Variants in NFIB observed in about 807,000 individuals in gnomAD.
The protein encoded by NFIB is nuclear factor I B.
A neutral mutation model predicts 61.5 loss-of-function variants in NFIB; 11 were observed. That is an observed-to-expected ratio of 0.18 (90% CI 0.11 to 0.30). NFIB has a LOEUF of 0.30. Ranked by LOEUF, NFIB falls within the 10% of genes least tolerant of loss-of-function variation. The probability of loss-of-function intolerance (pLI) is 1.00; values close to 1 mark genes in which losing one functional copy is unlikely to be tolerated. For synonymous variants in NFIB, 260 were observed against 216.5 expected (o/e 1.20, Z -1.76); for missense variants, 471 against 608.9 (o/e 0.77, Z 2.38).
the NFIB span, among the ~76,000 whole-genome samples, chr9:14,530,184 A>T: frequency 2.6e-5 from 4 of 152,210 alleles, no homozygotes; most frequent in African/African-American, 9.6e-5. Flanking sequence ...GGTAACTATT[A>T]AAACATCACT....
chr9:14,349,070 C>G (rs558146344), intron 1 of NFIB, among the ~76,000 whole-genome samples: 1 of 152,360 alleles, frequency 6.6e-6, no homozygotes, highest in South Asian at 2.1e-4. Context: ...CTAAAGCTCT[C>G]GCACGAGTTG....
intron 2 of NFIB, among the ~76,000 whole-genome samples, chr9:14,195,166 T>TAA (rs200677099): frequency 2.4e-4 from 36 of 149,748 alleles, no homozygotes; most frequent in African/African-American, 7.4e-4. Flanking sequence ...CAAAAGAAGT[T>TAA]AAAAAAAAAC....
intron 1 of NFIB, among the ~76,000 whole-genome samples, chr9:14,347,917 G>C (rs2061051538): frequency 1.3e-5 from 2 of 152,180 alleles, no homozygotes; most frequent in South Asian, 4.1e-4. Context: ...GCTTTGGAGC[G>C]ACGCGCGTAG....
chr9:14,216,763 G>A (rs1269517477), intron 2 of NFIB, among the ~76,000 whole-genome samples: 1 of 152,130 alleles, frequency 6.6e-6, no homozygotes, highest in Non-Finnish European at 1.5e-5. Flanking sequence ...TTAAGGCTAT[G>A]CTGACTTTGC....
chr9:14,250,609 C>T (rs2055489075), intron 2 of NFIB, among the ~76,000 whole-genome samples: 1 of 152,200 alleles, frequency 6.6e-6, no homozygotes. Context: ...TTGCTTATGT[C>T]ATAGTTACCT....
intron 1 of NFIB, among the ~76,000 whole-genome samples, chr9:14,382,295 A>C (rs923227452): frequency 6.6e-6 from 1 of 152,158 alleles, no homozygotes; most frequent in Non-Finnish European, 1.5e-5. Flanking sequence ...ACAGCAAGGA[A>C]TGTGCAGCTT....
the NFIB span, among the ~76,000 whole-genome samples, chr9:14,508,306 T>C: frequency 1.1e-4 from 17 of 152,146 alleles, no homozygotes; most frequent in South Asian, 6.2e-4. Flanking sequence ...TTGAGTGTAG[T>C]GGACACTGAT....
At chr9:14,418,901 T>G in the NFIB span, among the ~76,000 whole-genome samples, 1 of 152,132 alleles carries the variant, frequency 6.6e-6, no homozygotes, top group East Asian at 1.9e-4. Flanking sequence ...AAAATGAGCT[T>G]TAGGTTGATT....
chr9:14,263,887 T>G (rs559768022), intron 2 of NFIB, among the ~76,000 whole-genome samples: 7 of 152,374 alleles, frequency 4.6e-5, no homozygotes, highest in African/African-American at 1.7e-4. Context: ...AAACTATTAC[T>G]GCTCCTGTGT....
At chr9:14,492,363 A>AAAATAAAT in the NFIB span, among the ~76,000 whole-genome samples, 12,236 of 148,008 alleles carry the variant, frequency 0.083, 1,795 homozygotes, top group African/African-American at 0.29. Flanking sequence ...ACTTTGCCTC[A>AAAATAAAT]AAATAAATAA....
Position 14,309,073 on chromosome 9 carries a change from G to A in NFIB, c.31-1553C>T, listed in dbSNP as rs1358503147. Among the ~76,000 whole-genome samples the A allele has an allele frequency of 2.6e-5, 4 of 152,188 alleles. No individual in the cohort carries two copies. In the East Asian group the frequency reaches 7.7e-4, roughly 29 times the overall value. On this transcript the variant is annotated intron_variant, in intron 1 of 10. Coordinates refer to ENST00000380953, the MANE Select transcript of NFIB (RefSeq NM_001190737.2). ...ATATTGACTATACTGTCAGCCCAAC[G>A]ACAAAATAACTCTCTGATTGTATCC...
chr9:14,208,539 C>T (rs2049986859), intron 2 of NFIB, among the ~76,000 whole-genome samples: 2 of 150,840 alleles, frequency 1.3e-5, no homozygotes, highest in Middle Eastern at 3.6e-3. Flanking sequence ...TGTTCATTTT[C>T]CTGGTATTTT....
At chr9:14,451,198 T>C in the NFIB span, among the ~76,000 whole-genome samples, 1 of 152,232 alleles carries the variant, frequency 6.6e-6, no homozygotes, top group East Asian at 1.9e-4. Flanking sequence ...ATAATTGAGG[T>C]AGAAGAGTCA....
chr9:14,159,173 C>T (rs1046951480), intron 3 of NFIB, among the ~76,000 whole-genome samples: 6 of 152,094 alleles, frequency 3.9e-5, no homozygotes, highest in Non-Finnish European at 5.9e-5. Flanking sequence ...CAGTCAAACA[C>T]AGACAATACA....
chr9:14,338,327 G>C (rs1295774460), intron 1 of NFIB, among the ~76,000 whole-genome samples: 1 of 152,164 alleles, frequency 6.6e-6, no homozygotes, highest in African/African-American at 2.4e-5. Context: ...CCGGGAGGCG[G>C]AGGTTGCAGT....
intron 1 of NFIB, among the ~76,000 whole-genome samples, chr9:14,359,123 T>A (rs1486228190): frequency 6.6e-6 from 1 of 152,200 alleles, no homozygotes; most frequent in African/African-American, 2.4e-5. Flanking sequence ...TGCTACAAGA[T>A]CAGGGTATAC....
chr9:14,178,467 G>A (rs1283173961), intron 3 of NFIB, among the ~76,000 whole-genome samples: 1 of 151,980 alleles, frequency 6.6e-6, no homozygotes, highest in Non-Finnish European at 1.5e-5. Context: ...ATATTTAAAT[G>A]ATTTATGAAG....
At chr9:14,097,262 C>T (rs2034939105) in intron 10 of NFIB, among the ~76,000 whole-genome samples, 1 of 152,118 alleles carries the variant, frequency 6.6e-6, no homozygotes, top group Admixed American at 6.5e-5. Flanking sequence ...CCACCTTGAA[C>T]CAAAGATTCT....
chr9:14,156,388 G>C (rs1363950871), intron 3 of NFIB, among the ~76,000 whole-genome samples: 1 of 152,200 alleles, frequency 6.6e-6, no homozygotes, highest in East Asian at 1.9e-4. Context: ...CCTTGTTCCA[G>C]GGTCACTAAT....
Sources: allele counts gnomAD v4.1 joint callset (sites outside exome capture counted in the v4.1 genomes callset), GRCh38; gene constraint gnomAD v4.1.1; transcripts MANE v1.5; gene names NCBI Gene and HGNC (gene_info 2026-07-23, HGNC 2026-07-21).